The following ACTA2 variants were observed in gnomAD, a reference collection of about 807,000 sequenced individuals.
ACTA2 encodes actin alpha 2, smooth muscle.
In ACTA2, 12 loss-of-function variants were observed where a neutral mutation model predicts 39.5. The ratio of observed to expected loss-of-function variants is 0.30; its 90% CI spans 0.19 to 0.49. The LOEUF (loss-of-function observed/expected upper bound fraction) is 0.49. Among genes scored for constraint, ACTA2 ranks in the 20% least tolerant of loss-of-function variants. The pLI, the probability that ACTA2 is intolerant of heterozygous loss-of-function variation, is 0.99. For synonymous variants in ACTA2, 158 were observed against 180.6 expected (o/e 0.88, Z 1.00); for missense variants, 236 against 498.8 (o/e 0.47, Z 5.02).
In ACTA2 at chr10:88,965,563, A is replaced by G. The variant is rs1383343796; in HGVS notation, c.-23-16610T>C. 1.3e-5 allele frequency among the ~76,000 whole-genome samples: 2 copies of G among 152,154 alleles called. 1 individual carries two copies. The highest frequency in any genetic ancestry group is 2.9e-5 in the Non-Finnish European group (2 of 68,004). ...GTGTACTTGCCTTAGGAGGTCAAAC[A>G]CATTAGGTATACCAACATATCGACC... On this transcript the variant is annotated intron_variant, in intron 1 of 4. Transcript: ENST00000415557.
At chr10:88,939,743 C>T in intron 6 of ACTA2, 45 bp from the exon 7 acceptor site, 1 of 1,606,508 alleles carries the variant, frequency 6.2e-7, no homozygotes. Context: ...AGGGTCTGCA[C>T]AGGTGGCAAA....
At chr10:88,989,648 T>G (rs1232343160) in intron 1 of ACTA2, 1 of 500,562 alleles carries the variant, frequency 2.0e-6, no homozygotes, top group African/African-American at 2.0e-5. Flanking sequence ...TAACCTAGAT[T>G]TGAGGGCCCA....
chr10:88,941,990 A>G lies in ACTA2; in HGVS notation c.370-121T>C. 5 of 861,518 alleles carry G rather than the reference A, an allele frequency of 5.8e-6. No homozygotes were observed. The South Asian group carries it at 7.2e-5, about 12-fold the overall frequency. 53.4% of individuals were successfully genotyped at this position (861,518 alleles called of 1,614,324 possible). ...GACCTGTTCTGGGCAGAGGAGGCCA[A>G]AGTAAGGAGGTTCAGAACAGCCCTG... On this transcript the variant is annotated intron_variant, in intron 4 of 8. Transcript: ENST00000224784.
At chr10:88,947,468 A>T in intron 2 of ACTA2, 82 bp from the exon 3 acceptor site, 1 of 1,585,818 alleles carries the variant, frequency 6.3e-7, no homozygotes, top group Non-Finnish European at 8.6e-7. Context: ...AGGTTAAGTC[A>T]TTGAGATGGG....
intron 6 of ACTA2, 73 bp from the exon 7 acceptor site, chr10:88,939,771 G>T (rs1458287720): frequency 2.0e-6 from 3 of 1,478,824 alleles, no homozygotes; most frequent in Non-Finnish European, 1.9e-6. Context: ...CTGCCCTACT[G>T]CAGTCTCTCC....
chr10:88,942,790 C>G (rs950759948), intron 4 of ACTA2, among the ~76,000 whole-genome samples: 1 of 151,664 alleles, frequency 6.6e-6, no homozygotes, highest in East Asian at 1.9e-4. Context: ...AATAATTCAT[C>G]AGAAGCAACA....
Position 88,943,521 on chromosome 10 carries a change from G to A in ACTA2, c.369+276C>T, listed in dbSNP as rs182620667. Among the ~76,000 whole-genome samples, 124 of 152,318 alleles carry A rather than the reference G, an allele frequency of 8.1e-4. 1 individual carries two copies. Among genetic ancestry groups the A allele is most frequent in the East Asian group, 1.5e-3 (8 of 5,184 alleles). On this transcript the variant is annotated intron_variant, in intron 4 of 8. Coordinates refer to ENST00000224784, the MANE Select transcript of ACTA2 (RefSeq NM_001613.4). ...TGTATGTGATGCTGCATTTTGAAGT[G>A]ACTTCTCCTTAGACATTATAACTTA...
chr10:88,947,047 C>T (rs989979162), intron 3 of ACTA2: 2 of 576,822 alleles, frequency 3.5e-6, no homozygotes. Flanking sequence ...CAGCTTCATC[C>T]ATGTCCCTAC....
intron 1 of ACTA2, among the ~76,000 whole-genome samples, chr10:88,970,368 G>A (rs1295520665): frequency 2.0e-5 from 3 of 152,064 alleles, no homozygotes; most frequent in Admixed American, 6.6e-5. Flanking sequence ...CCTTTTGAAT[G>A]CAGCAAATTG....
intron 1 of ACTA2, among the ~76,000 whole-genome samples, chr10:88,968,958 TG>T (rs780958308): frequency 6.6e-6 from 1 of 152,102 alleles, no homozygotes; most frequent in Non-Finnish European, 1.5e-5. Context: ...TTACATTATT[TG>T]ATGTCTCCCC....
chr10:88,935,079 A>G lies in ACTA2; in HGVS notation c.*144T>C. 8.4e-7 allele frequency: 1 copy of G among 1,195,138 alleles called. No homozygotes were observed. The highest frequency in any genetic ancestry group is 1.2e-6 in the Non-Finnish European group (1 of 834,154). 74.0% of individuals were successfully genotyped at this position (1,195,138 alleles called of 1,614,324 possible). On this transcript the variant is annotated 3_prime_UTR_variant, in exon 9 of 9. Transcript: ENST00000224784. ...TCGGAGGCCAACGCAAGAAGTTACC[A>G]GTAGCCTATTTCAGATTTATTAAAA... is the stretch of plus-strand genomic sequence containing the variant.
chr10:88,959,519 C>A (rs150407419), intron 1 of ACTA2, among the ~76,000 whole-genome samples: 3 of 152,164 alleles, frequency 2.0e-5, no homozygotes, highest in African/African-American at 2.4e-5. Flanking sequence ...CTGGAGAAGA[C>A]CTTAGAGTCA....
At chr10:88,939,265 A>G (rs567972905) in intron 7 of ACTA2, 37 of 557,344 alleles carry the variant, frequency 6.6e-5, no homozygotes, top group Middle Eastern at 4.9e-4. Flanking sequence ...TAATTCTTTC[A>G]TCATACACCA....
intron 1 of ACTA2, among the ~76,000 whole-genome samples, chr10:88,985,475 C>A (rs544817633): frequency 6.6e-6 from 1 of 152,210 alleles, no homozygotes; most frequent in Non-Finnish European, 1.5e-5. Context: ...TCCTTTCTAC[C>A]CAAGTGCTCT....
At chr10:88,967,241 G>C (rs1475517206) in intron 1 of ACTA2, among the ~76,000 whole-genome samples, 1 of 152,148 alleles carries the variant, frequency 6.6e-6, no homozygotes, top group East Asian at 1.9e-4. Flanking sequence ...TGGAATTTGA[G>C]ATAGTTGGAA....
chr10:88,954,449 A>G (rs537866137), upstream of ACTA2, among the ~76,000 whole-genome samples: 30 of 152,320 alleles, frequency 2.0e-4, no homozygotes, highest in African/African-American at 7.0e-4. Context: ...ATTAATTTTC[A>G]TCACAGGAAT....
rs1418263574 is a variant in ACTA2, at chr10:88,990,577, A to T, written c.-24+362T>A. The T allele has an allele frequency of 1.2e-5, 8 of 660,564 alleles. No homozygotes were observed. Among genetic ancestry groups the T allele is most frequent in the East Asian group, 8.8e-5 (3 of 34,090 alleles). 40.9% of individuals were successfully genotyped at this position (660,564 alleles called of 1,614,324 possible). On this transcript the variant is annotated intron_variant, in intron 1 of 4. Coordinates refer to the ACTA2 transcript ENST00000415557. The surrounding 1 kb of genome is among the most constrained non-coding windows in gnomAD (Gnocchi z 4.9). ...TTGCTGAATCAATGGAGCCCTCCCCAACCCGGGCGTTCCCCAGCGAGGCTT... is the reference window on the plus strand; with the variant it reads ...TTGCTGAATCAATGGAGCCCTCCCCTACCCGGGCGTTCCCCAGCGAGGCTT...
chr10:88,979,112 A>C (rs1041797089), intron 1 of ACTA2, among the ~76,000 whole-genome samples: 21 of 152,122 alleles, frequency 1.4e-4, no homozygotes, highest in Admixed American at 7.2e-4. Flanking sequence ...AAACACTGAA[A>C]ACAAAATGGA....
chr10:88,938,668 A>G (rs1845791232), intron 7 of ACTA2, among the ~76,000 whole-genome samples: 1 of 137,308 alleles, frequency 7.3e-6, no homozygotes. Flanking sequence ...CTGGATTATC[A>G]GGGAAACTTA....
Sources: allele counts gnomAD v4.1 joint callset (sites outside exome capture counted in the v4.1 genomes callset), GRCh38; gene constraint gnomAD v4.1.1; non-coding constraint Gnocchi (gnomAD v3.1); transcripts MANE v1.5; gene names NCBI Gene and HGNC (gene_info 2026-07-23, HGNC 2026-07-21).